The following CELSR1 variants were observed in gnomAD, a reference collection of about 807,000 sequenced individuals.
The protein encoded by CELSR1 is adhesion G protein-coupled receptor C1.
In CELSR1, 110 loss-of-function variants were observed where a neutral mutation model predicts 249.1. The ratio of observed to expected loss-of-function variants is 0.44; its 90% CI spans 0.38 to 0.52. CELSR1 has a LOEUF of 0.52. Among genes scored for constraint, CELSR1 ranks in the 20% least tolerant of loss-of-function variants. The probability of loss-of-function intolerance (pLI) is 0.00; values close to 1 mark genes in which losing one functional copy is unlikely to be tolerated. For synonymous variants in CELSR1, 2,113 were observed against 1,900.0 expected (o/e 1.11, Z -2.92); for missense variants, 4,109 against 4,296.4 (o/e 0.96, Z 1.22).
chr22:46,513,025 C>T (rs555945212), intron 1 of CELSR1, among the ~76,000 whole-genome samples: 82 of 152,304 alleles, frequency 5.4e-4, no homozygotes, highest in African/African-American at 1.6e-3. Flanking sequence ...CATCCTAGGA[C>T]GGGAATCCAT....
intron 2 of CELSR1, among the ~76,000 whole-genome samples, chr22:46,456,657 TGTCTAAA>T (rs1569176939): frequency 1.0e-5 from 1 of 96,374 alleles, no homozygotes; most frequent in African/African-American, 4.4e-5. Flanking sequence ...AGCGAGACTC[TGTCTAAA>T]AAAAAAAAAA....
In CELSR1 at chr22:46,374,040, A is replaced by T. The variant is rs1168696638; in HGVS notation, c.7585-983T>A. ...CGCCCCCGAGGTGGGGAGGGCCCCA[A>T]GTCAGCATCGCATCTGTCAGATACG... On this transcript the variant is annotated intron_variant, in intron 24 of 34. Transcript: ENST00000674500. This position sits in a 1 kb window ranked among gnomAD's most constrained non-coding sequence, Gnocchi z 4.3. 1.3e-5 allele frequency among the ~76,000 whole-genome samples: 2 copies of T among 152,238 alleles called. No individual in the cohort carries two copies. Among genetic ancestry groups the T allele is most frequent in the Non-Finnish European group, 2.9e-5 (2 of 68,034 alleles).
In CELSR1 at chr22:46,389,403, G is replaced by A; in HGVS notation, c.6442C>T (p.Leu2148Phe). ...LRSATQHTGTLFGNDVRTAYQ... is the reference protein window; with the variant it reads ...LRSATQHTGTFFGNDVRTAYQ... ...GCCGTGCGCACGTCATTGCCAAAGA[G>A]CGTGCCCGTGTGCTGTGTAGCACTG... The change falls in exon 18 of 35, where the codon CTC (leucine) becomes TTC (phenylalanine). Residue 2148 changes from leucine to phenylalanine, a missense_variant. By Grantham distance (22) the Leu-to-Phe change is conservative. Around this residue, in one of 7 missense-constraint regions of CELSR1, gnomAD observed 1,805 missense variants for 1,831.6 expected, o/e 0.99. Coordinates refer to ENST00000674500, the MANE Select transcript of CELSR1 (RefSeq NM_001378328.1). The A allele has an allele frequency of 1.9e-6, 3 of 1,612,296 alleles. No individual in the cohort carries two copies. Among genetic ancestry groups the A allele is most frequent in the Non-Finnish European group, 2.5e-6 (3 of 1,179,940 alleles).
rs1382625600 is a variant in CELSR1, at chr22:46,536,473, G to T, written c.698C>A (p.Ala233Asp). ...CCCTCTGCCGCTCGTGCCCCGCCGG[G>T]CCCGTCGCGCCGGCCCCGCCCGGGC... ...PEARAGPARR[A>D]RRGTSGRGSL... is the part of the protein sequence containing the mutation. The change falls in exon 1 of 35, where the codon GCC becomes GAC. Residue 233 changes from alanine (A) to aspartate (D), a missense_variant. Coordinates refer to ENST00000674500, the MANE Select transcript of CELSR1 (RefSeq NM_001378328.1). 3 of 1,604,444 alleles carry T rather than the reference G, an allele frequency of 1.9e-6. No individual in the cohort carries two copies. The highest frequency in any genetic ancestry group is 2.6e-6 in the Non-Finnish European group (3 of 1,176,258).
intron 5 of CELSR1, among the ~76,000 whole-genome samples, chr22:46,425,563 C>T (rs1030213919): frequency 1.3e-5 from 2 of 152,178 alleles, no homozygotes; most frequent in Non-Finnish European, 2.9e-5. Context: ...TAAATGTACA[C>T]ATGTAGAGTT....
rs369628953 is a variant in CELSR1, at chr22:46,396,863, G to A, written c.5702-117C>T. 367 of 1,378,806 alleles carry A rather than the reference G, an allele frequency of 2.7e-4. 4 individuals are homozygous for A. The South Asian group carries it at 4.5e-3, about 17-fold the overall frequency. The allele number at this position is 1,378,806 out of a possible 1,614,324, so 85.4% of individuals were successfully genotyped here. On this transcript the variant is annotated intron_variant, in intron 12 of 34. Transcript: ENST00000674500. This position sits in a 1 kb window ranked among gnomAD's most constrained non-coding sequence, Gnocchi z 6.4. ...CTGACTTTCCCTGGTACTCAGCAGA[G>A]GGAAGAGGAAGAGTGCCACAGAGTC...
intron 2 of CELSR1, chr22:46,462,630 A>C: frequency 4.9e-6 from 1 of 203,992 alleles, no homozygotes; most frequent in Non-Finnish European, 9.6e-6. Flanking sequence ...ATCCTGCCTA[A>C]TCCCAGAGAG....
intron 1 of CELSR1, among the ~76,000 whole-genome samples, chr22:46,525,335 G>A (rs972459126): frequency 3.9e-5 from 6 of 152,050 alleles, no homozygotes; most frequent in East Asian, 3.9e-4. Context: ...TGTCATCTCC[G>A]CTACTCGGGA....
rs1372293462 is a variant in CELSR1, at chr22:46,473,854, A to G, written c.3545-9509T>C. The stretch of plus-strand genomic sequence containing the variant: ...GTTTTAGAGGCCAGATTGGGGCCAG[A>G]CAACAGGTGCGATGTGTTGATCCTG... On this transcript the variant is annotated intron_variant, in intron 1 of 34. Coordinates refer to ENST00000674500, the MANE Select transcript of CELSR1 (RefSeq NM_001378328.1). This position sits in a 1 kb window ranked among gnomAD's most constrained non-coding sequence, Gnocchi z 6.6. Among the ~76,000 whole-genome samples the G allele has an allele frequency of 1.3e-5, 2 of 152,124 alleles. No homozygotes were observed. The highest frequency in any genetic ancestry group is 2.4e-5 in the African/African-American group (1 of 41,404).
At chr22:46,523,737 A>G (rs1047071578) in intron 1 of CELSR1, among the ~76,000 whole-genome samples, 19 of 151,774 alleles carry the variant, frequency 1.3e-4, no homozygotes, top group Non-Finnish European at 8.8e-5. Context: ...CTCATCTGGT[A>G]TCTCCCTCCC....
rs1046770921 is a variant in CELSR1, at chr22:46,406,511, C to G, written c.5226+2485G>C. The stretch of plus-strand genomic sequence containing the variant: ...CGCTGATCTGCTGAGGGACTGACCT[C>G]CACCAGCCTGCTGGGAGCACTCTCG... On this transcript the variant is annotated intron_variant, in intron 9 of 34. Coordinates refer to ENST00000674500, the MANE Select transcript of CELSR1 (RefSeq NM_001378328.1). The surrounding 1 kb of genome is among the most constrained non-coding windows in gnomAD (Gnocchi z 5.4). 6.6e-6 allele frequency among the ~76,000 whole-genome samples: 1 copy of G among 152,238 alleles called. No homozygotes were observed. The highest frequency in any genetic ancestry group is 2.4e-5 in the African/African-American group (1 of 41,470).
intron 30 of CELSR1, 87 bp from the exon 31 acceptor site, chr22:46,365,776 A>T: frequency 1.1e-6 from 1 of 916,904 alleles, no homozygotes; most frequent in Non-Finnish European, 1.6e-6. Context: ...CTCTGCCCCT[A>T]CCCCTTCTGT....
Position 46,410,534 on chromosome 22 carries a change from G to A in CELSR1, c.4797C>T (p.Leu1599=), listed in dbSNP as rs767068942. 6.2e-7 allele frequency: 1 copy of A among 1,614,048 alleles called. No homozygotes were observed. Among genetic ancestry groups the A allele is most frequent in the Non-Finnish European group, 8.5e-7 (1 of 1,180,030 alleles). ...CTGGCAGGTTGGGGACACCCCCCAG[G>A]AGTAGAGGGCCGGTCAGATCCAGGG... The part of the protein sequence containing the change: ...KKSLDLTGPL[L]LGGVPNLPED... Residue 1599 remains leucine (L), a synonymous_variant, in exon 7 of 35, where the codon CTC becomes CTT. Coordinates refer to ENST00000674500, the MANE Select transcript of CELSR1 (RefSeq NM_001378328.1). This position sits in a 1 kb window ranked among gnomAD's most constrained non-coding sequence, Gnocchi z 6.8.
chr22:46,522,286 C>A (rs12159657), intron 1 of CELSR1, among the ~76,000 whole-genome samples: 4,644 of 152,224 alleles, frequency 0.031, 235 homozygotes, highest in African/African-American at 0.11. Context: ...CTACCACACC[C>A]AGCTAATTTT....
At chr22:46,451,488 C>T (rs572921741) in intron 2 of CELSR1, among the ~76,000 whole-genome samples, 5 of 152,350 alleles carry the variant, frequency 3.3e-5, no homozygotes, top group East Asian at 1.9e-4. Context: ...GTCACCTACA[C>T]GCTGAGGGCT....
chr22:46,483,627 G>A (rs2080288343), intron 1 of CELSR1, among the ~76,000 whole-genome samples: 1 of 152,188 alleles, frequency 6.6e-6, no homozygotes, highest in African/African-American at 2.4e-5. Context: ...CAAGAGCTAC[G>A]TAAGTCTTTG....
intron 28 of CELSR1, among the ~76,000 whole-genome samples, chr22:46,367,449 C>T (rs1034401160): frequency 9.2e-5 from 14 of 152,338 alleles, no homozygotes; most frequent in Admixed American, 2.0e-4. Flanking sequence ...GCTGTGTGGC[C>T]CTTGGTATGA....
At position 46,535,356 on chromosome 22, in the gene CELSR1, C is replaced by T; in HGVS notation, c.1815G>A (p.Val605=). The T allele has an allele frequency of 6.2e-7, 1 of 1,612,462 alleles. No homozygotes were observed. Among genetic ancestry groups the T allele is most frequent in the Non-Finnish European group, 8.5e-7 (1 of 1,179,906 alleles). Residue 605 remains valine (V), a synonymous_variant, in exon 1 of 35, where the codon GTG becomes GTA. Coordinates refer to ENST00000674500, the MANE Select transcript of CELSR1 (RefSeq NM_001378328.1). Reference sequence around the variant, plus strand: ...CCCCCAGAAAGGTGGAGGCCGTGTCCACCAGGCGATAGTGCAGCCGGGCGT... The same window carrying T: ...CCCCCAGAAAGGTGGAGGCCGTGTCTACCAGGCGATAGTGCAGCCGGGCGT... ...GENARLHYRL[V]DTASTFLGGG... is the part of the protein sequence containing the mutation.
intron 25 of CELSR1, among the ~76,000 whole-genome samples, chr22:46,372,095 CCCAT>C (rs924818850): frequency 2.0e-5 from 3 of 151,550 alleles, no homozygotes; most frequent in Non-Finnish European, 4.4e-5. Context: ...CATCCACCTA[CCCAT>C]CCATCTGCTC....
Sources: allele counts gnomAD v4.1 joint callset (sites outside exome capture counted in the v4.1 genomes callset), GRCh38; gene constraint gnomAD v4.1.1; regional missense constraint gnomAD v4.1.1; non-coding constraint Gnocchi (gnomAD v3.1); transcripts MANE v1.5; gene names NCBI Gene and HGNC (gene_info 2026-07-23, HGNC 2026-07-21).